Variants in SYNDIG1 observed in about 807,000 individuals in gnomAD.
The protein encoded by SYNDIG1 is synapse differentiation-inducing gene protein 1.
A neutral mutation model predicts 19.4 loss-of-function variants in SYNDIG1; 9 were observed. That is an observed-to-expected ratio of 0.46 (90% CI 0.28 to 0.81). The LOEUF (loss-of-function observed/expected upper bound fraction) is 0.81. Ranked by LOEUF, SYNDIG1 falls within the 30% of genes least tolerant of loss-of-function variation. The pLI is 0.12. For synonymous variants in SYNDIG1, 141 were observed against 145.9 expected (o/e 0.97, Z 0.24); for missense variants, 311 against 343.3 (o/e 0.91, Z 0.74).
intron 2 of SYNDIG1, among the ~76,000 whole-genome samples, chr20:24,575,943 C>A (rs962969622): frequency 3.9e-5 from 6 of 152,150 alleles, no homozygotes; most frequent in Non-Finnish European, 7.4e-5. Flanking sequence ...CCACCCCACA[C>A]CCCCCACCAC....
intron 3 of SYNDIG1, among the ~76,000 whole-genome samples, chr20:24,588,072 T>C (rs754543104): frequency 6.6e-6 from 1 of 152,208 alleles, no homozygotes; most frequent in Non-Finnish European, 1.5e-5. Flanking sequence ...TTTGTCCTGT[T>C]GTAGCCTGGT....
At chr20:24,645,232 T>C (rs1414679477) in intron 3 of SYNDIG1, among the ~76,000 whole-genome samples, 1 of 152,148 alleles carries the variant, frequency 6.6e-6, no homozygotes, top group Non-Finnish European at 1.5e-5. Flanking sequence ...AAACTGTCCT[T>C]AAGGATCTTG....
At chr20:24,569,264 A>G (rs1048358332) in intron 2 of SYNDIG1, among the ~76,000 whole-genome samples, 2 of 152,212 alleles carry the variant, frequency 1.3e-5, no homozygotes, top group Non-Finnish European at 2.9e-5. Context: ...AGCGTGTGAC[A>G]GGAGAGTGAC....
Position 24,658,929 on chromosome 20 carries a change from A to T in SYNDIG1, c.619-6417A>T, listed in dbSNP as rs73100738. On this transcript the variant is annotated intron_variant, in intron 3 of 3. Coordinates refer to ENST00000376862, the MANE Select transcript of SYNDIG1 (RefSeq NM_024893.3). This position sits in a 1 kb window ranked among gnomAD's most constrained non-coding sequence, Gnocchi z 4.4. The stretch of plus-strand genomic sequence containing the variant: ...CATGCCCCAAGTGCCATGTAGACGC[A>T]GCAAGTGGCACAGCCGAGCAGCATC... 0.074 allele frequency among the ~76,000 whole-genome samples: 11,240 copies of T among 152,244 alleles called. 519 individuals are homozygous for T. The highest frequency in any genetic ancestry group is 0.098 in the Non-Finnish European group (6,685 of 68,002).
chr20:24,554,972 CA>C lies in SYNDIG1; in HGVS notation c.480+11397del, dbSNP rs746859803. On this transcript the variant is annotated intron_variant, in intron 2 of 3. Transcript: ENST00000376862. ...GTTGGTAAGCTATTGATTATTGCCACAATTTCAGATCCTGTTATTGGTCTAT... is the reference window on the plus strand; with the variant it reads ...GTTGGTAAGCTATTGATTATTGCCACATTTCAGATCCTGTTATTGGTCTAT... Among the ~76,000 whole-genome samples the C allele has an allele frequency of 3.1e-3, 471 of 152,206 alleles. 2 individuals carry two copies. Among genetic ancestry groups the C allele is most frequent in the Non-Finnish European group, 4.7e-3 (322 of 68,014 alleles).
intron 3 of SYNDIG1, among the ~76,000 whole-genome samples, chr20:24,640,528 A>AGGAAGGAAGGAAGGAG (rs1389834150): frequency 6.5e-4 from 72 of 111,388 alleles, no homozygotes; most frequent in East Asian, 1.9e-3. Flanking sequence ...GAAGGAAGGA[A>AGGAAGGAAGGAAGGAG]GGAGCTTTTC....
At chr20:24,495,081 G>T (rs1196815183) in intron 1 of SYNDIG1, among the ~76,000 whole-genome samples, 2 of 152,186 alleles carry the variant, frequency 1.3e-5, no homozygotes, top group African/African-American at 2.4e-5. Context: ...TATTTATTAT[G>T]CTTAACACTG....
At chr20:24,601,082 G>C (rs935484167) in intron 3 of SYNDIG1, among the ~76,000 whole-genome samples, 13 of 152,194 alleles carry the variant, frequency 8.5e-5, no homozygotes, top group African/African-American at 3.1e-4. Context: ...AGCTTTTTGT[G>C]CAAATGGAAA....
intron 3 of SYNDIG1, among the ~76,000 whole-genome samples, chr20:24,609,939 A>G (rs1339576153): frequency 2.6e-5 from 4 of 151,952 alleles, no homozygotes; most frequent in Admixed American, 6.6e-5. Context: ...CCACTTCCCT[A>G]TGTTCCCAGG....
chr20:24,530,376 T>G (rs2057231401), intron 1 of SYNDIG1, among the ~76,000 whole-genome samples: 3 of 152,138 alleles, frequency 2.0e-5, no homozygotes, highest in Admixed American at 2.0e-4. Flanking sequence ...AAATGATACA[T>G]AGGATGATGT....
intron 3 of SYNDIG1, among the ~76,000 whole-genome samples, chr20:24,618,302 G>T (rs532130838): frequency 2.7e-5 from 4 of 148,282 alleles, no homozygotes; most frequent in African/African-American, 9.9e-5. Flanking sequence ...GCCCAGGGAA[G>T]GGGGAGAGCC....
At chr20:24,527,598 G>C (rs2057154842) in intron 1 of SYNDIG1, among the ~76,000 whole-genome samples, 1 of 148,972 alleles carries the variant, frequency 6.7e-6, no homozygotes, top group Non-Finnish European at 1.5e-5. Flanking sequence ...TTTTGTGCAT[G>C]ATGATCTTTC....
intron 2 of SYNDIG1, among the ~76,000 whole-genome samples, chr20:24,577,373 G>A (rs1378919692): frequency 1.3e-5 from 2 of 152,262 alleles, no homozygotes; most frequent in Non-Finnish European, 2.9e-5. Context: ...AAACCCCTGA[G>A]GGACCCAAGT....
chr20:24,498,256 C>A (rs1568586041), intron 1 of SYNDIG1, among the ~76,000 whole-genome samples: 1 of 152,200 alleles, frequency 6.6e-6, no homozygotes, highest in African/African-American at 2.4e-5. Flanking sequence ...TCATCACTTC[C>A]AAAAGCTTCC....
chr20:24,654,808 G>C (rs1432593022), intron 3 of SYNDIG1, among the ~76,000 whole-genome samples: 1 of 152,224 alleles, frequency 6.6e-6, no homozygotes, highest in Non-Finnish European at 1.5e-5. Flanking sequence ...AGCTGCAGCA[G>C]TGAAGGGGTA....
At chr20:24,621,356 T>C (rs1423457274) in intron 3 of SYNDIG1, among the ~76,000 whole-genome samples, 1 of 152,348 alleles carries the variant, frequency 6.6e-6, no homozygotes, top group East Asian at 1.9e-4. Flanking sequence ...AAGGTTTCAG[T>C]TGGTTGGCTT....
chr20:24,625,952 G>A (rs1032118727), intron 3 of SYNDIG1, among the ~76,000 whole-genome samples: 7 of 151,826 alleles, frequency 4.6e-5, no homozygotes, highest in East Asian at 2.0e-4. Flanking sequence ...GGGCAGAGGC[G>A]CCCCTCACCT....
chr20:24,597,837 C>G (rs1384227321), intron 3 of SYNDIG1, among the ~76,000 whole-genome samples: 1 of 152,134 alleles, frequency 6.6e-6, no homozygotes, highest in Non-Finnish European at 1.5e-5. Context: ...CACCTTAGCC[C>G]CTCCATAGCT....
chr20:24,554,767 T>C (rs1306911060), intron 2 of SYNDIG1, among the ~76,000 whole-genome samples: 3 of 151,376 alleles, frequency 2.0e-5, no homozygotes, highest in Non-Finnish European at 4.4e-5. Flanking sequence ...AAAATTCTCT[T>C]TTTTGGTTGT....
Sources: gnomAD v4.1 joint callset for allele counts (sites outside exome capture counted in the v4.1 genomes callset) on GRCh38, gnomAD v4.1.1 for gene constraint, Gnocchi (gnomAD v3.1) non-coding constraint, MANE v1.5 for transcripts, NCBI Gene and HGNC (gene_info 2026-07-23, HGNC 2026-07-21) for gene names.